SESTD1: variants seen among roughly 807,000 people sequenced by gnomAD.
SESTD1 encodes SEC14 domain and spectrin repeat-containing protein 1.
SESTD1 carries 43 observed loss-of-function variants against 101.7 expected under a neutral mutation model. The observed-to-expected ratio is 0.42, with a 90% confidence interval of 0.33 to 0.55. The LOEUF is 0.55. SESTD1 is among the 20% of genes least tolerant of loss of function. The probability of loss-of-function intolerance (pLI) is 0.07; values close to 1 mark genes in which losing one functional copy is unlikely to be tolerated. For synonymous variants in SESTD1, 283 were observed against 286.8 expected (o/e 0.99, Z 0.13); for missense variants, 647 against 815.1 (o/e 0.79, Z 2.51).
At chr2:179,185,338 T>C (rs2046192821) in intron 2 of SESTD1, among the ~76,000 whole-genome samples, 1 of 147,694 alleles carries the variant, frequency 6.8e-6, no homozygotes, top group South Asian at 2.1e-4. Context: ...CATATATTAA[T>C]ATTATACATT....
intron 1 of SESTD1, among the ~76,000 whole-genome samples, chr2:179,197,266 AT>A (rs2105503805): frequency 6.6e-6 from 1 of 152,262 alleles, no homozygotes; most frequent in East Asian, 1.9e-4. Context: ...AGAAAAAAAA[AT>A]AAAAACAAAT....
rs1053959782 is a variant in SESTD1 at position 179,102,135 on chromosome 2, T to C, written c.*7764A>G. The stretch of plus-strand genomic sequence containing the variant: ...CAATGGAAATTTCACCACTGTCTAT[T>C]ATGGTGAGAACCTATTTCTGACAAC... On this transcript the variant is annotated 3_prime_UTR_variant, in exon 18 of 18. Transcript: ENST00000428443. 1.3e-5 allele frequency: 2 copies of C among 152,136 alleles called. No homozygotes were observed. Among genetic ancestry groups the C allele is most frequent in the Non-Finnish European group, 2.9e-5 (2 of 68,008 alleles). The allele number at this position is 152,136 out of a possible 1,614,324, so 9.4% of individuals were successfully genotyped here. A position where few individuals can be genotyped will look rare whatever the true frequency, so the allele number is the denominator to read the frequency against.
intron 1 of SESTD1, among the ~76,000 whole-genome samples, chr2:179,196,264 C>T (rs751697942): frequency 9.9e-5 from 15 of 152,198 alleles, no homozygotes; most frequent in Admixed American, 5.9e-4. Flanking sequence ...TAAAAAACGG[C>T]GCACCAGGAG....
rs1307415718 is a variant in SESTD1 at position 179,109,023 on chromosome 2, T to TA, written c.*875dup. On this transcript the variant is annotated 3_prime_UTR_variant, in exon 18 of 18. Coordinates refer to ENST00000428443, the MANE Select transcript of SESTD1 (RefSeq NM_178123.5). ...CCCTAAAGACAAAGTATCTTCAGGG[T>TA]AGTTAATAATTTTGAGAATATTTTT... 1 of 152,304 alleles carries TA rather than the reference T, an allele frequency of 6.6e-6. No homozygotes were observed. The highest frequency in any genetic ancestry group is 2.4e-5 in the African/African-American group (1 of 41,430). The allele number at this position is 152,304 out of a possible 1,614,324, so 9.4% of individuals were successfully genotyped here. A position where few individuals can be genotyped will look rare whatever the true frequency, so the allele number is the denominator to read the frequency against.
chr2:179,186,826 A>G (rs976076067), intron 2 of SESTD1, among the ~76,000 whole-genome samples: 1 of 151,778 alleles, frequency 6.6e-6, no homozygotes, highest in Non-Finnish European at 1.5e-5. Context: ...ATTCCTAGAG[A>G]GCTTTCTCCA....
intron 5 of SESTD1, among the ~76,000 whole-genome samples, chr2:179,160,117 C>T (rs1575451495): frequency 6.6e-6 from 1 of 152,116 alleles, no homozygotes; most frequent in Non-Finnish European, 1.5e-5. Flanking sequence ...TCAGCCTCCC[C>T]AAGTGCTGGG....
chr2:179,172,212 A>T lies in SESTD1; in HGVS notation c.277T>A (p.Ser93Thr). 2 of 1,606,460 alleles carry T rather than the reference A, an allele frequency of 1.2e-6. No individual in the cohort carries two copies. The highest frequency in any genetic ancestry group is 1.3e-5 in the African/African-American group (1 of 74,946). ...MLQNVVPAEV[S>T]LVCVVKPDEF... ...TCTGGCTTTACCACACAAACAAGGG[A>T]CACCTCAGCTGGAACAACATTCTAT... Residue 93 changes from serine to threonine, a missense_variant, in exon 5 of 18, where the codon TCC becomes ACC. Physicochemically the swap from Ser to Thr is moderately conservative, Grantham distance 58 (BLOSUM62 1). Around this residue, in one of 3 missense-constraint regions of SESTD1, gnomAD observed 168 missense variants for 235.1 expected, o/e 0.71. Transcript: ENST00000428443.
chr2:179,211,671 T>G (rs1183286881), intron 1 of SESTD1, among the ~76,000 whole-genome samples: 1 of 134,250 alleles, frequency 7.4e-6, no homozygotes, highest in Non-Finnish European at 1.6e-5. Flanking sequence ...ATACTACTCT[T>G]CAGCCATAAA....
intron 1 of SESTD1, among the ~76,000 whole-genome samples, chr2:179,232,239 C>T (rs992504402): frequency 3.4e-5 from 4 of 116,448 alleles, no homozygotes; most frequent in Admixed American, 7.4e-5. Context: ...CAAAATTATA[C>T]ATTTTCCAAA....
Position 179,149,900 on chromosome 2 carries a change from T to A in SESTD1, c.484-506A>T, listed in dbSNP as rs1575444424. 3.3e-5 allele frequency among the ~76,000 whole-genome samples: 5 copies of A among 152,174 alleles called. No homozygotes were observed. The East Asian group carries it at 9.6e-4, about 29-fold the overall frequency. ...GGGCAAGTCTGTTTAAGTAATGAAG[T>A]AGACAATCACTTGACTAACACCACT... On this transcript the variant is annotated intron_variant, in intron 6 of 17. Transcript: ENST00000428443.
chr2:179,178,118 C>T (rs2046043425), intron 3 of SESTD1, among the ~76,000 whole-genome samples: 1 of 152,174 alleles, frequency 6.6e-6, no homozygotes, highest in African/African-American at 2.4e-5. Context: ...AATTAGATAG[C>T]ATAATGGATG....
intron 2 of SESTD1, among the ~76,000 whole-genome samples, chr2:179,190,238 A>G (rs2046300637): frequency 6.6e-6 from 1 of 152,188 alleles, no homozygotes; most frequent in Non-Finnish European, 1.5e-5. Context: ...GATTCCAGAA[A>G]TAAGGTCACA....
In SESTD1 at chr2:179,132,422, A is replaced by C; in HGVS notation, c.854T>G (p.Val285Gly). The change falls in exon 10 of 18, where the codon GTG (valine) becomes GGG (glycine). Residue 285 changes from valine to glycine, a missense_variant. By Grantham distance (109) the Val-to-Gly change is moderately radical. Coordinates refer to ENST00000428443, the MANE Select transcript of SESTD1 (RefSeq NM_178123.5). ...EEIQQKVMQV[V>G]NWLEGPGSEQ... ...TGATCCAGGCCCTTCTAGCCAGTTCACCACCTATAAACAAAAGTTGAGATA... is the reference window on the plus strand; with the variant it reads ...TGATCCAGGCCCTTCTAGCCAGTTCCCCACCTATAAACAAAAGTTGAGATA... 6.4e-7 allele frequency: 1 copy of C among 1,551,734 alleles called. No individual in the cohort carries two copies. The highest frequency in any genetic ancestry group is 8.6e-7 in the Non-Finnish European group (1 of 1,160,254).
chr2:179,181,132 G>A (rs1437880676), intron 3 of SESTD1, among the ~76,000 whole-genome samples: 1 of 152,100 alleles, frequency 6.6e-6, no homozygotes, highest in Non-Finnish European at 1.5e-5. Context: ...ACATTTACAT[G>A]AGAAAGAGAA....
At chr2:179,128,728 A>C (rs1395842204) in intron 10 of SESTD1, among the ~76,000 whole-genome samples, 7 of 117,766 alleles carry the variant, frequency 5.9e-5, no homozygotes, top group Admixed American at 5.9e-4. Context: ...ACACTGTCTC[A>C]AAAAAAAAAA....
At chr2:179,146,725 A>G (rs1391599068) in intron 7 of SESTD1, among the ~76,000 whole-genome samples, 2 of 152,242 alleles carry the variant, frequency 1.3e-5, no homozygotes, top group African/African-American at 4.8e-5. Context: ...TATTATTTCA[A>G]ATATATCAAA....
chr2:179,158,649 T>C (rs924874865), intron 5 of SESTD1, among the ~76,000 whole-genome samples: 3 of 152,226 alleles, frequency 2.0e-5, no homozygotes, highest in Non-Finnish European at 4.4e-5. Context: ...ATTATGTTTT[T>C]ACCTATGCAA....
At position 179,214,124 on chromosome 2, in the gene SESTD1, A is replaced by G. The variant is rs1162980560; in HGVS notation, c.-25-22258T>C. Among the ~76,000 whole-genome samples the G allele has an allele frequency of 1.5e-5, 2 of 134,890 alleles. 1 individual carries two copies. Among genetic ancestry groups the G allele is most frequent in the Admixed American group, 1.4e-4 (2 of 13,910 alleles). 88.5% of individuals were successfully genotyped at this position (134,890 alleles called of 152,430 possible). A position where few individuals can be genotyped will look rare whatever the true frequency, so the allele number is the denominator to read the frequency against. Reference sequence around the variant, plus strand: ...CATAATGACAGGATCAAATTCACACATAACAATATTAACCTTAAATGTAAA... The same window carrying G: ...CATAATGACAGGATCAAATTCACACGTAACAATATTAACCTTAAATGTAAA... On this transcript the variant is annotated intron_variant, in intron 1 of 17. Coordinates refer to ENST00000428443, the MANE Select transcript of SESTD1 (RefSeq NM_178123.5).
At position 179,239,404 on chromosome 2, in the gene SESTD1, G is replaced by T. The variant is rs536694818; in HGVS notation, c.-26+25095C>A. On this transcript the variant is annotated intron_variant, in intron 1 of 17. Coordinates refer to ENST00000428443, the MANE Select transcript of SESTD1 (RefSeq NM_178123.5). ...GCAGGAAGTACAAGGTTTTTTTTTT[G>T]AATCTGCTAAGGTAAAGACTTTGAA... Among the ~76,000 whole-genome samples, 97 of 150,264 alleles carry T rather than the reference G, an allele frequency of 6.5e-4. 1 individual carries two copies. In the East Asian group the frequency reaches 0.016, roughly 25 times the overall value.
Sources: allele counts gnomAD v4.1 joint callset (sites outside exome capture counted in the v4.1 genomes callset), GRCh38; gene constraint gnomAD v4.1.1; regional missense constraint gnomAD v4.1.1; transcripts MANE v1.5; gene names NCBI Gene and HGNC (gene_info 2026-07-23, HGNC 2026-07-21).